CDYL2: variants seen among roughly 807,000 people sequenced by gnomAD.
CDYL2 encodes chromodomain Y-like protein 2.
A neutral mutation model predicts 49.4 loss-of-function variants in CDYL2; 23 were observed. The observed-to-expected ratio is 0.47, with a 90% CI of 0.34 to 0.66. The LOEUF (loss-of-function observed/expected upper bound fraction) is 0.66, where lower values mean the gene tolerates loss of function less well. CDYL2 is among the 30% of genes least tolerant of loss of function. CDYL2 has a pLI of 0.01. For synonymous variants in CDYL2, 360 were observed against 268.8 expected, an observed-to-expected ratio of 1.34 and a Z score of -3.32; for missense variants, 678 against 656.4, an observed-to-expected ratio of 1.03 and a Z score of -0.36.
intron 1 of CDYL2, among the ~76,000 whole-genome samples, chr16:80,698,093 T>C (rs1349564689): frequency 6.6e-6 from 1 of 152,094 alleles, no homozygotes; most frequent in Non-Finnish European, 1.5e-5. Context: ...GTCAAAGTTA[T>C]CCTGAGCAAA....
At chr16:80,757,786 T>C (rs1191251529) in intron 1 of CDYL2, among the ~76,000 whole-genome samples, 1 of 151,870 alleles carries the variant, frequency 6.6e-6, no homozygotes, top group Non-Finnish European at 1.5e-5. Context: ...TAACAAATTA[T>C]TGGAGGACCT....
chr16:80,611,514 G>A (rs776131551), intron 5 of CDYL2, among the ~76,000 whole-genome samples: 8 of 152,128 alleles, frequency 5.3e-5, no homozygotes, highest in Non-Finnish European at 1.2e-4. Flanking sequence ...ACGCCTACTC[G>A]GACCAGCTAC....
intron 1 of CDYL2, among the ~76,000 whole-genome samples, chr16:80,733,803 C>T (rs1284078300): frequency 6.6e-6 from 1 of 152,104 alleles, no homozygotes; most frequent in African/African-American, 2.4e-5. Flanking sequence ...TGCAATGGCT[C>T]CCAACTCATT....
At chr16:80,697,205 C>T (rs187332259) in intron 1 of CDYL2, among the ~76,000 whole-genome samples, 4 of 152,262 alleles carry the variant, frequency 2.6e-5, no homozygotes, top group Admixed American at 6.5e-5. Flanking sequence ...TCCAACAACA[C>T]ATCAACAACA....
At chr16:80,639,058 CA>C (rs1192258411) in intron 2 of CDYL2, among the ~76,000 whole-genome samples, 1 of 152,140 alleles carries the variant, frequency 6.6e-6, no homozygotes, top group Non-Finnish European at 1.5e-5. Flanking sequence ...AGAGACACCT[CA>C]ACAAAGAAGT....
At chr16:80,607,727 G>C (rs891370293) in intron 6 of CDYL2, among the ~76,000 whole-genome samples, 2 of 152,148 alleles carry the variant, frequency 1.3e-5, no homozygotes, top group Non-Finnish European at 2.9e-5. Flanking sequence ...GTCATCTTCC[G>C]GATGGGTTCA....
At chr16:80,764,779 G>A (rs778343025) in intron 1 of CDYL2, among the ~76,000 whole-genome samples, 9 of 151,906 alleles carry the variant, frequency 5.9e-5, no homozygotes, top group East Asian at 1.9e-4. Flanking sequence ...TTAGTTCCTC[G>A]GCTAGGCGCG....
rs546894370 is a variant in CDYL2 at position 80,600,253 on chromosome 16, T to A, written c.*4135A>T. 6.7e-6 allele frequency: 1 copy of A among 149,244 alleles called. No individual in the cohort carries two copies. Among genetic ancestry groups the A allele is most frequent in the South Asian group, 2.1e-4 (1 of 4,730 alleles). 9.2% of individuals were successfully genotyped at this position (149,244 alleles called of 1,614,324 possible). A position where few individuals can be genotyped will look rare whatever the true frequency, so the allele number is the denominator to read the frequency against. On this transcript the variant is annotated 3_prime_UTR_variant, in exon 7 of 7. Transcript: ENST00000570137. ...AGAGCATTATATTCTAATGAAAAAA[T>A]TGGCACCAAACCAGTATGCTATTTT...
At chr16:80,711,727 C>T (rs1904602324) in intron 1 of CDYL2, among the ~76,000 whole-genome samples, 1 of 151,858 alleles carries the variant, frequency 6.6e-6, no homozygotes, top group African/African-American at 2.4e-5. Flanking sequence ...ACACACCTGG[C>T]CCTAAGAGGC....
At chr16:80,757,412 T>C (rs1906347833) in intron 1 of CDYL2, among the ~76,000 whole-genome samples, 1 of 151,830 alleles carries the variant, frequency 6.6e-6, no homozygotes, top group Admixed American at 6.6e-5. Flanking sequence ...TAGCGGTGAA[T>C]GCCTGTAGTA....
chr16:80,676,402 G>A (rs1188912664), intron 2 of CDYL2, among the ~76,000 whole-genome samples: 1 of 152,170 alleles, frequency 6.6e-6, no homozygotes, highest in Non-Finnish European at 1.5e-5. Context: ...ATGGATACCT[G>A]TGCTGACAAG....
chr16:80,773,755 C>T (rs913656946), intron 1 of CDYL2, among the ~76,000 whole-genome samples: 15 of 151,908 alleles, frequency 9.9e-5, no homozygotes, highest in African/African-American at 3.6e-4. Context: ...TATTAAAACT[C>T]GTATGACATA....
chr16:80,615,854 C>T (rs898397610), intron 4 of CDYL2, among the ~76,000 whole-genome samples: 3 of 152,190 alleles, frequency 2.0e-5, no homozygotes, highest in Admixed American at 6.5e-5. Flanking sequence ...TAATGAAGGC[C>T]ACCCCCCATC....
chr16:80,743,090 T>C (rs1417966881), intron 1 of CDYL2, among the ~76,000 whole-genome samples: 1 of 152,102 alleles, frequency 6.6e-6, no homozygotes, highest in Non-Finnish European at 1.5e-5. Context: ...TCATTGATGG[T>C]CTAAATCACA....
intron 3 of CDYL2, among the ~76,000 whole-genome samples, chr16:80,629,507 G>A: frequency 6.6e-6 from 1 of 152,206 alleles, no homozygotes; most frequent in East Asian, 1.9e-4. Context: ...GAGGCCAAGG[G>A]CACTGAAGGA....
chr16:80,763,686 T>C (rs540441598), intron 1 of CDYL2, among the ~76,000 whole-genome samples: 1 of 152,102 alleles, frequency 6.6e-6, no homozygotes, highest in Non-Finnish European at 1.5e-5. Flanking sequence ...GAAGGGAACA[T>C]CAAGCCACTT....
intron 1 of CDYL2, among the ~76,000 whole-genome samples, chr16:80,798,211 C>A (rs1907824472): frequency 6.6e-6 from 1 of 152,024 alleles, no homozygotes; most frequent in Non-Finnish European, 1.5e-5. Context: ...CAATAATTTT[C>A]TGTATTCTTT....
chr16:80,715,095 A>ACG (rs1372582402), intron 1 of CDYL2, among the ~76,000 whole-genome samples: 83 of 152,250 alleles, frequency 5.5e-4, no homozygotes, highest in African/African-American at 1.8e-3. Flanking sequence ...GCAACTGGAG[A>ACG]TGAGATCAAA....
At chr16:80,703,611 TGCTCTAGC>T (rs1348438083) in intron 1 of CDYL2, among the ~76,000 whole-genome samples, 5 of 151,946 alleles carry the variant, frequency 3.3e-5, no homozygotes, top group Non-Finnish European at 5.9e-5. Context: ...CCCTGTGGGG[TGCTCTAGC>T]AACCAATCTG....
Sources: allele counts gnomAD v4.1 joint callset (sites outside exome capture counted in the v4.1 genomes callset), GRCh38; gene constraint gnomAD v4.1.1; transcripts MANE v1.5; gene names NCBI Gene and HGNC (gene_info 2026-07-23, HGNC 2026-07-21).